ING5: variants seen among roughly 807,000 people sequenced by gnomAD.
ING5 encodes the protein inhibitor of growth family member 5, also known as inhibitor of growth protein 5.
ING5 carries 17 observed loss-of-function variants against 37.4 expected under a neutral mutation model. That is an observed-to-expected ratio of 0.45 (90% CI 0.31 to 0.68). The LOEUF is 0.68. Ranked by LOEUF, ING5 falls within the 30% of genes least tolerant of loss-of-function variation. The pLI, the probability that ING5 is intolerant of heterozygous loss-of-function variation, is 0.05. For missense variants in ING5, 233 were observed against 311.9 expected (o/e 0.75, Z 1.91); for synonymous variants, 123 against 116.6 (o/e 1.06, Z -0.36).
chr2:241,715,658 T>C (rs2070244855), intron 5 of ING5, among the ~76,000 whole-genome samples: 1 of 151,788 alleles, frequency 6.6e-6, no homozygotes, highest in Admixed American at 6.6e-5. Context: ...AATTTTTTTT[T>C]GTATTTTTAG....
chr2:241,717,256 A>G (rs1455518729), intron 5 of ING5, among the ~76,000 whole-genome samples: 2 of 152,044 alleles, frequency 1.3e-5, no homozygotes, highest in African/African-American at 4.8e-5. Flanking sequence ...TTTTTAGTAG[A>G]GATGGGGTTT....
intron 5 of ING5, chr2:241,720,871 A>G: frequency 2.0e-6 from 2 of 985,734 alleles, no homozygotes; most frequent in Non-Finnish European, 2.4e-6. Flanking sequence ...GCCACACGCC[A>G]TGGCGCTCCC....
chr2:241,725,147 C>T lies in ING5; in HGVS notation c.*116C>T. ...CGGTTGATACTTAGTAACTCCGTGG[C>T]CAGTTGAAGCGCTGGATGTTTCCTA... On this transcript the variant is annotated 3_prime_UTR_variant, in exon 8 of 8. Transcript: ENST00000313552. The T allele has an allele frequency of 9.3e-7, 1 of 1,071,142 alleles. No individual in the cohort carries two copies. Among genetic ancestry groups the T allele is most frequent in the Non-Finnish European group, 1.4e-6 (1 of 702,004 alleles). 66.4% of individuals were successfully genotyped at this position (1,071,142 alleles called of 1,614,324 possible).
chr2:241,729,037 G>C lies in ING5; in HGVS notation c.*4006G>C, dbSNP rs780316790. On this transcript the variant is annotated 3_prime_UTR_variant, in exon 8 of 8. Transcript: ENST00000313552. ...CACATGACCCCAGAGCCGAGGGTCT[G>C]CCCTGTCCTAGGTTAGGTCTTCATG... 1 of 152,264 alleles carries C rather than the reference G, an allele frequency of 6.6e-6. No individual in the cohort carries two copies. Among genetic ancestry groups the C allele is most frequent in the Non-Finnish European group, 1.5e-5 (1 of 68,056 alleles). 9.4% of individuals were successfully genotyped at this position (152,264 alleles called of 1,614,324 possible).
intron 3 of ING5, 151 bp downstream of exon 3, chr2:241,709,533 C>A: frequency 6.4e-6 from 4 of 625,608 alleles, no homozygotes; most frequent in Non-Finnish European, 8.5e-6. Context: ...AGACGGAATA[C>A]ACTTCATGTA....
chr2:241,717,077 AT>A lies in ING5; in HGVS notation c.482+5021del, dbSNP rs372898679. Among the ~76,000 whole-genome samples the A allele has an allele frequency of 6.7e-3, 953 of 141,900 alleles. 3 individuals are homozygous for A. The highest frequency in any genetic ancestry group is 0.017 in the African/African-American group (670 of 38,796). The allele number at this position is 141,900 out of a possible 152,430, so 93.1% of individuals were successfully genotyped here. A position where few individuals can be genotyped will look rare whatever the true frequency, so the allele number is the denominator to read the frequency against. Reference sequence around the variant, plus strand: ...ATAGTTGCCATTTCTGGTAACCTTCATTTTTTTTTTTTTTTGAGACAGAGTC... The same window carrying A: ...ATAGTTGCCATTTCTGGTAACCTTCATTTTTTTTTTTTTTGAGACAGAGTC... On this transcript the variant is annotated intron_variant, in intron 5 of 7. Transcript: ENST00000313552.
chr2:241,719,652 G>A (rs77890618), intron 5 of ING5: 177,196 of 1,535,056 alleles, frequency 0.12, 10,742 homozygotes, highest in South Asian at 0.13. Flanking sequence ...GGGGGTCCTC[G>A]TGGGGGTGAA....
chr2:241,697,539 G>A (rs562784547), upstream of ING5, among the ~76,000 whole-genome samples: 41 of 152,118 alleles, frequency 2.7e-4, no homozygotes, highest in Non-Finnish European at 5.7e-4. Flanking sequence ...GGAAAGGCAC[G>A]CTGGGACCTT....
At chr2:241,692,371 C>T (rs895296031) in intron 2 of ING5, among the ~76,000 whole-genome samples, 3 of 151,776 alleles carry the variant, frequency 2.0e-5, no homozygotes, top group Non-Finnish European at 4.4e-5. Flanking sequence ...TGCAGTGGCA[C>T]AATCGTAGCT....
At chr2:241,712,247 G>A in intron 5 of ING5, 176 bp downstream of exon 5, 1 of 570,864 alleles carries the variant, frequency 1.8e-6, no homozygotes, top group Non-Finnish European at 3.1e-6. Context: ...CCTTTGAGGG[G>A]GTGCCGTTGT....
intron 3 of ING5, among the ~76,000 whole-genome samples, chr2:241,709,939 T>TTTTA (rs972564278): frequency 5.8e-4 from 88 of 151,684 alleles, no homozygotes; most frequent in African/African-American, 2.1e-3. Context: ...TATTTATTTA[T>TTTTA]TTTATTTATT....
Position 241,711,464 on chromosome 2 carries a change from A to G in ING5, c.364A>G (p.Ser122Gly). 2 of 1,606,416 alleles carry G rather than the reference A, an allele frequency of 1.2e-6. No homozygotes were observed. The part of the protein sequence containing the change: ...KDKMEGSDFE[S>G]SGGRGLKKGR... Reference sequence around the variant, plus strand: ...CAAGATGGAGGGCAGTGATTTTGAAAGCTCCGGAGGGCGAGGGTTAAAAAG... The same window carrying G: ...CAAGATGGAGGGCAGTGATTTTGAAGGCTCCGGAGGGCGAGGGTTAAAAAG... The change falls in exon 4 of 8, where the codon AGC becomes GGC. Residue 122 changes from serine (S) to glycine (G), a missense_variant. Transcript: ENST00000313552.
chr2:241,719,422 C>T, intron 5 of ING5: 1 of 863,954 alleles, frequency 1.2e-6, no homozygotes, highest in Non-Finnish European at 1.9e-6. Context: ...CTCCACAGCT[C>T]CCCGACATCT....
At chr2:241,708,012 C>T (rs548235881) in intron 2 of ING5, among the ~76,000 whole-genome samples, 4 of 152,320 alleles carry the variant, frequency 2.6e-5, no homozygotes, top group Non-Finnish European at 2.9e-5. Flanking sequence ...ATTCTCCTGC[C>T]TCAGCCTCCT....
In ING5 at chr2:241,704,664, C is replaced by T. The variant is rs773536335; in HGVS notation, c.49C>T (p.Leu17Phe). The T allele has an allele frequency of 5.6e-6, 9 of 1,614,148 alleles. No homozygotes were observed. The South Asian group carries it at 9.9e-5, about 18-fold the overall frequency. Residue 17 changes from leucine (L) to phenylalanine (F), a missense_variant, in exon 2 of 8, where the codon CTT (leucine) becomes TTT (phenylalanine). Leu to Phe is a conservative substitution (Grantham distance 22). This residue lies in a region of ING5 where 93 missense variants were observed against 99.7 expected (regional missense o/e 0.93). Coordinates refer to ENST00000313552, the MANE Select transcript of ING5 (RefSeq NM_032329.6). ...LEHYLDSIENLPCELQRNFQL... is the reference protein window; with the variant it reads ...LEHYLDSIENFPCELQRNFQL... ...TTTTTGCGTTTCAGGTATCGAGAAC[C>T]TTCCCTGCGAACTTCAGAGGAACTT...
intron 5 of ING5, among the ~76,000 whole-genome samples, chr2:241,716,649 G>A (rs1386035486): frequency 2.0e-5 from 3 of 152,132 alleles, no homozygotes; most frequent in African/African-American, 4.8e-5. Context: ...AGTTATCACA[G>A]TGAGCTTCAG....
Position 241,702,058 on chromosome 2 carries a change from G to A in ING5, c.-8G>A, listed in dbSNP as rs1331445933. ...CCGCGCAGACCCCGAGCGCGGCCGC[G>A]GACGAAGATGGCGACCGCCATGTAC... On this transcript the variant is annotated 5_prime_UTR_variant, in exon 1 of 8. Coordinates refer to ENST00000313552, the MANE Select transcript of ING5 (RefSeq NM_032329.6). The A allele has an allele frequency of 1.0e-5, 14 of 1,386,502 alleles. No homozygotes were observed. The highest frequency in any genetic ancestry group is 8.9e-5 in the Admixed American group (3 of 33,780). 85.9% of individuals were successfully genotyped at this position (1,386,502 alleles called of 1,614,324 possible). A position where few individuals can be genotyped will look rare whatever the true frequency, so the allele number is the denominator to read the frequency against.
At chr2:241,691,448 A>C (rs143076111) in intron 2 of ING5, among the ~76,000 whole-genome samples, 19,047 of 148,782 alleles carry the variant, frequency 0.13, 1,399 homozygotes, top group East Asian at 0.33. Flanking sequence ...CAAAAAAAAA[A>C]AACAAAAACA....
At chr2:241,699,588 T>G (rs2069683064), upstream of ING5, among the ~76,000 whole-genome samples, 2 of 152,072 alleles carry the variant, frequency 1.3e-5, no homozygotes, top group African/African-American at 2.4e-5. Context: ...TCTTTAAAAA[T>G]GCATTTTAAA....
Sources: gnomAD v4.1 joint callset for allele counts (sites outside exome capture counted in the v4.1 genomes callset) on GRCh38, gnomAD v4.1.1 for gene constraint, gnomAD v4.1.1 regional missense constraint, MANE v1.5 for transcripts, NCBI Gene and HGNC (gene_info 2026-07-23, HGNC 2026-07-21) for gene names.